Variants in NUP50 observed in about 807,000 individuals in gnomAD.
NUP50 encodes nuclear pore complex protein Nup50.
Under a neutral mutation model 36.8 loss-of-function variants are expected in NUP50, and 14 were observed. The ratio of observed to expected loss-of-function variants is 0.38; its 90% CI spans 0.25 to 0.59. NUP50 has a LOEUF of 0.59. NUP50 is among the 20% of genes least tolerant of loss of function. The pLI, the probability that NUP50 is intolerant of heterozygous loss-of-function variation, is 0.63. For missense variants in NUP50, 455 were observed against 564.6 expected (o/e 0.81, Z 1.97); for synonymous variants, 195 against 210.8 (o/e 0.93, Z 0.65).
intron 2 of NUP50, among the ~76,000 whole-genome samples, chr22:45,170,395 T>C (rs910496226): frequency 7.2e-5 from 11 of 152,148 alleles, no homozygotes; most frequent in Non-Finnish European, 1.5e-4. Flanking sequence ...CAGCAGTGTG[T>C]TACCCCCAGG....
intron 6 of NUP50, among the ~76,000 whole-genome samples, chr22:45,182,481 TTAA>T (rs144666588): frequency 0.027 from 4,051 of 152,178 alleles, 153 homozygotes; most frequent in African/African-American, 0.091. Context: ...TGGTTTTGTA[TTAA>T]TAACCTCAGG....
intron 4 of NUP50, 43 bp from the exon 5 acceptor site, chr22:45,178,195 C>A: frequency 6.5e-7 from 1 of 1,548,398 alleles, no homozygotes; most frequent in South Asian, 1.2e-5. Flanking sequence ...ATGATTTAAT[C>A]AAATTAGGCT....
At chr22:45,168,585 C>A (rs1286371657) in intron 2 of NUP50, among the ~76,000 whole-genome samples, 1 of 152,180 alleles carries the variant, frequency 6.6e-6, no homozygotes, top group Non-Finnish European at 1.5e-5. Flanking sequence ...CCATTTTAGT[C>A]ATGACTGAAG....
At chr22:45,174,101 G>A (rs1177132404) in intron 3 of NUP50, among the ~76,000 whole-genome samples, 4 of 152,010 alleles carry the variant, frequency 2.6e-5, no homozygotes, top group African/African-American at 4.8e-5. Flanking sequence ...AAGTGCCATG[G>A]GGAACAGTAA....
intron 2 of NUP50, among the ~76,000 whole-genome samples, chr22:45,169,003 G>A (rs1392187397): frequency 6.7e-6 from 1 of 148,620 alleles, no homozygotes; most frequent in East Asian, 2.0e-4. Context: ...CCGGGTTCAA[G>A]TGATTCTCCT....
At chr22:45,176,111 G>A in intron 4 of NUP50, 31 bp downstream of exon 4, 6 of 1,604,172 alleles carry the variant, frequency 3.7e-6, no homozygotes, top group Non-Finnish European at 5.1e-6. Context: ...AGCCGCCTGT[G>A]TAAGTATCAT....
chr22:45,182,703 C>CA (rs2074395968), intron 6 of NUP50, among the ~76,000 whole-genome samples: 1 of 141,894 alleles, frequency 7.0e-6, no homozygotes, highest in African/African-American at 2.7e-5. Context: ...CGGCTCACTG[C>CA]AAGCTCCGCC....
At chr22:45,173,694 T>C (rs910086533) in intron 3 of NUP50, among the ~76,000 whole-genome samples, 1 of 152,120 alleles carries the variant, frequency 6.6e-6, no homozygotes, top group Non-Finnish European at 1.5e-5. Flanking sequence ...CAAAGCTCAC[T>C]GCAGAAGCCA....
In NUP50 at chr22:45,178,551, A is replaced by G. The variant is rs1569053020; in HGVS notation, c.654A>G (p.Glu218=). The G allele has an allele frequency of 6.2e-7, 1 of 1,612,086 alleles. No homozygotes were observed. Among genetic ancestry groups the G allele is most frequent in the Non-Finnish European group, 8.5e-7 (1 of 1,179,870 alleles). Reference sequence around the variant, plus strand: ...GTGAATCTAACAAAGTGGCAGCTGAAACACAGTCTCCTTCCCTTTTTGGCT... The same window carrying G: ...GTGAATCTAACAAAGTGGCAGCTGAGACACAGTCTCCTTCCCTTTTTGGCT... ...SESESNKVAA[E]TQSPSLFGST... The change falls in exon 5 of 8, where the codon GAA becomes GAG. Residue 218 remains glutamate (E), a synonymous_variant. Transcript: ENST00000347635.
intron 6 of NUP50, among the ~76,000 whole-genome samples, chr22:45,181,840 C>T (rs2074378439): frequency 6.6e-6 from 1 of 152,174 alleles, no homozygotes; most frequent in African/African-American, 2.4e-5. Flanking sequence ...ACCGTCCCTT[C>T]CTGTTGAGGA....
At position 45,168,152 on chromosome 22, in the gene NUP50, G is replaced by C; in HGVS notation, c.-10-16G>C. On this transcript the variant is annotated splice_polypyrimidine_tract_variant and intron_variant, in intron 1 of 7. Transcript: ENST00000347635. The stretch of plus-strand genomic sequence containing the variant: ...TTCTTCTAGAAAAATAAACTCTTCT[G>C]TTTTCTATAACTTAGGTTCGAAAAC... The C allele has an allele frequency of 6.3e-7, 1 of 1,577,104 alleles. No individual in the cohort carries two copies. The highest frequency in any genetic ancestry group is 8.6e-7 in the Non-Finnish European group (1 of 1,156,564).
intron 6 of NUP50, among the ~76,000 whole-genome samples, chr22:45,182,451 A>C (rs757753836): frequency 2.6e-5 from 4 of 151,986 alleles, no homozygotes; most frequent in Non-Finnish European, 4.4e-5. Flanking sequence ...AAAGAAATAC[A>C]TAAATCAATA....
In NUP50 at chr22:45,184,672, G is replaced by A. The variant is rs764070666; in HGVS notation, c.*17G>A. ...GATGCCTGAACACGCAAAGTCGGCT[G>A]CAGAATTATTGCCAAGTTGCTGCTG... On this transcript the variant is annotated 3_prime_UTR_variant, in exon 8 of 8. Coordinates refer to ENST00000347635, the MANE Select transcript of NUP50 (RefSeq NM_007172.4). 1.3e-6 allele frequency: 2 copies of A among 1,597,312 alleles called. No homozygotes were observed. Among genetic ancestry groups the A allele is most frequent in the Admixed American group, 3.4e-5 (2 of 58,318 alleles).
In NUP50 at chr22:45,176,007, G is replaced by A. The variant is rs1348866256; in HGVS notation, c.267G>A (p.Ser89=). 8 of 1,614,108 alleles carry A rather than the reference G, an allele frequency of 5.0e-6. No homozygotes were observed. The highest frequency in any genetic ancestry group is 2.2e-5 in the South Asian group (2 of 91,080). ...GAGGKPLEGL[S]NGNNITSAPP... is the part of the protein sequence containing the mutation. ...GAGGGAAGCCTTTGGAAGGACTGTC[G>A]AATGGAAACAACATAACCAGTGCCC... Residue 89 remains serine, a synonymous_variant, in exon 4 of 8, where the codon TCG becomes TCA. Coordinates refer to ENST00000347635, the MANE Select transcript of NUP50 (RefSeq NM_007172.4).
chr22:45,170,341 ACC>A (rs132870), intron 2 of NUP50, among the ~76,000 whole-genome samples: 30,854 of 151,588 alleles, frequency 0.2, 3,672 homozygotes, highest in East Asian at 0.56. Context: ...CGAGGAGAAC[ACC>A]CGCAAAGCCC....
chr22:45,180,562 TG>T (rs778184455), intron 5 of NUP50, among the ~76,000 whole-genome samples: 14 of 152,082 alleles, frequency 9.2e-5, no homozygotes, highest in African/African-American at 3.4e-4. Flanking sequence ...TTTGTAGAGA[TG>T]GGGGGCGTCT....
intron 2 of NUP50, chr22:45,171,053 G>T: frequency 3.8e-6 from 5 of 1,303,910 alleles, no homozygotes; most frequent in Non-Finnish European, 4.0e-6. Flanking sequence ...GACATCAGAA[G>T]TGTGGACATG....
At chr22:45,179,003 G>C (rs536219264) in intron 5 of NUP50, 103 bp downstream of exon 5, 1 of 1,109,206 alleles carries the variant, frequency 9.0e-7, no homozygotes, top group African/African-American at 1.6e-5. Flanking sequence ...TTCACATTGA[G>C]ACGTTGTTCT....
intron 5 of NUP50, among the ~76,000 whole-genome samples, chr22:45,180,043 G>A (rs1022717091): frequency 6.6e-6 from 1 of 152,138 alleles, no homozygotes; most frequent in African/African-American, 2.4e-5. Flanking sequence ...CCTCAGGCAC[G>A]GGCCCTCTGG....
Sources: allele counts gnomAD v4.1 joint callset (sites outside exome capture counted in the v4.1 genomes callset), GRCh38; gene constraint gnomAD v4.1.1; transcripts MANE v1.5; gene names NCBI Gene and HGNC (gene_info 2026-07-23, HGNC 2026-07-21).